The following TMEM117 variants were observed in gnomAD, a reference collection of about 807,000 sequenced individuals.
TMEM117 encodes transmembrane protein 117.
A neutral mutation model predicts 52.4 loss-of-function variants in TMEM117; 27 were observed. The observed-to-expected ratio is 0.51, with a 90% CI of 0.38 to 0.71. The LOEUF (loss-of-function observed/expected upper bound fraction) is 0.71, where lower values mean the gene tolerates loss of function less well. TMEM117 is among the 30% of genes least tolerant of loss of function. The pLI, the probability that TMEM117 is intolerant of heterozygous loss-of-function variation, is 0.00. For synonymous variants in TMEM117, 215 were observed against 206.3 expected (o/e 1.04, Z -0.36); for missense variants, 556 against 630.5 (o/e 0.88, Z 1.26).
At chr12:44,231,150 A>T (rs961053438) in intron 5 of TMEM117, among the ~76,000 whole-genome samples, 11 of 151,792 alleles carry the variant, frequency 7.2e-5, no homozygotes, top group Admixed American at 2.6e-4. Context: ...CTTTGTGGTG[A>T]TCATTTCCTT....
intron 4 of TMEM117, among the ~76,000 whole-genome samples, chr12:44,178,860 G>T (rs1361340408): frequency 6.6e-6 from 1 of 152,040 alleles, no homozygotes; most frequent in Non-Finnish European, 1.5e-5. Flanking sequence ...TATTAGTCAG[G>T]GTTCTCCAGA....
chr12:44,032,052 TC>T (rs1946641200), intron 3 of TMEM117, among the ~76,000 whole-genome samples: 1 of 152,190 alleles, frequency 6.6e-6, no homozygotes, highest in African/African-American at 2.4e-5. Flanking sequence ...TCCTGGGACC[TC>T]ATAAGGAGAG....
At chr12:44,360,803 T>C (rs1951711293) in intron 6 of TMEM117, among the ~76,000 whole-genome samples, 1 of 152,166 alleles carries the variant, frequency 6.6e-6, no homozygotes, top group South Asian at 2.1e-4. Context: ...ATCACTGTTC[T>C]CAATAATATT....
At chr12:44,073,832 T>C (rs574075191) in intron 3 of TMEM117, 1 of 152,184 alleles carries the variant, frequency 6.6e-6, no homozygotes, top group South Asian at 2.1e-4. Context: ...ATGTGAAAAA[T>C]GTAAGTGGCA....
intron 6 of TMEM117, among the ~76,000 whole-genome samples, chr12:44,333,806 T>C (rs1027374581): frequency 6.6e-6 from 1 of 151,862 alleles, no homozygotes; most frequent in African/African-American, 2.4e-5. Flanking sequence ...TAAAGAGAGA[T>C]AGGAAAACAC....
intron 6 of TMEM117, among the ~76,000 whole-genome samples, chr12:44,335,131 T>C (rs997624981): frequency 6.6e-6 from 1 of 151,998 alleles, no homozygotes; most frequent in Non-Finnish European, 1.5e-5. Context: ...GTGATAGGCT[T>C]GAGAAGAGCA....
intron 3 of TMEM117, among the ~76,000 whole-genome samples, chr12:43,966,401 A>T (rs1356838837): frequency 6.6e-6 from 1 of 152,234 alleles, no homozygotes; most frequent in Non-Finnish European, 1.5e-5. Context: ...TCAAATGAGG[A>T]CACCTTTGAA....
the TMEM117 span, among the ~76,000 whole-genome samples, chr12:43,802,884 A>G: frequency 6.6e-6 from 1 of 152,208 alleles, no homozygotes; most frequent in African/African-American, 2.4e-5. Flanking sequence ...GAAATATTAA[A>G]TAAAACCATG....
intron 5 of TMEM117, among the ~76,000 whole-genome samples, chr12:44,221,573 C>T (rs1029445379): frequency 1.1e-4 from 16 of 152,156 alleles, no homozygotes; most frequent in African/African-American, 3.4e-4. Flanking sequence ...TATAGGGGTT[C>T]ATCACAAAAT....
chr12:44,368,666 G>A (rs1315626291), intron 6 of TMEM117, among the ~76,000 whole-genome samples: 23 of 152,136 alleles, frequency 1.5e-4, no homozygotes, highest in Admixed American at 1.5e-3. Context: ...ATTCCTGGCA[G>A]CATGTGCGGA....
At chr12:44,313,473 G>A (rs975283322) in intron 6 of TMEM117, among the ~76,000 whole-genome samples, 5 of 152,108 alleles carry the variant, frequency 3.3e-5, no homozygotes, top group Admixed American at 2.6e-4. Context: ...CTGTCTGTCT[G>A]TTTTTGTACC....
Position 44,388,146 on chromosome 12 carries a change from T to C in TMEM117, c.1019T>C (p.Ile340Thr). ...CAATATATCGGCCCGGGGCAGAAGA[T>C]ATATACAGTGAAAGACTCAGAAAGT... ...YGQYIGPGQK[I>T]YTVKDSESLK... is the part of the protein sequence containing the mutation. The change falls in exon 8 of 8, where the codon ATA (isoleucine) becomes ACA (threonine). Residue 340 changes from isoleucine to threonine, a missense_variant. Physicochemically the swap from Ile to Thr is moderately conservative, Grantham distance 89. Transcript: ENST00000266534. 6.2e-7 allele frequency: 1 copy of C among 1,613,188 alleles called. No individual in the cohort carries two copies. The highest frequency in any genetic ancestry group is 2.2e-5 in the East Asian group (1 of 44,774).
intron 6 of TMEM117, among the ~76,000 whole-genome samples, chr12:44,332,713 A>G: frequency 2.8e-5 from 1 of 36,128 alleles, no homozygotes; most frequent in South Asian, 6.3e-4. Context: ...TACTGTTACT[A>G]CACACACACA....
At chr12:44,295,159 A>G (rs911816010) in intron 5 of TMEM117, among the ~76,000 whole-genome samples, 102 of 151,932 alleles carry the variant, frequency 6.7e-4, no homozygotes, top group African/African-American at 2.2e-3. Flanking sequence ...TATTATCTTG[A>G]TGGTACCCAT....
chr12:43,928,399 T>A (rs1353166077), intron 2 of TMEM117, among the ~76,000 whole-genome samples: 1 of 152,062 alleles, frequency 6.6e-6, no homozygotes, highest in African/African-American at 2.4e-5. Context: ...GGAATTAGGT[T>A]CATTCTCCTT....
chr12:44,245,606 T>C (rs1950119330), intron 5 of TMEM117, among the ~76,000 whole-genome samples: 1 of 151,992 alleles, frequency 6.6e-6, no homozygotes, highest in Non-Finnish European at 1.5e-5. Flanking sequence ...TTGGAGTCTT[T>C]AGTATTTTCT....
intron 6 of TMEM117, among the ~76,000 whole-genome samples, chr12:44,345,602 A>G (rs940688583): frequency 2.0e-5 from 3 of 152,156 alleles, no homozygotes; most frequent in Non-Finnish European, 4.4e-5. Flanking sequence ...TATAATCAGC[A>G]TTATAGGTGT....
the TMEM117 span, among the ~76,000 whole-genome samples, chr12:43,823,406 G>T: frequency 2.6e-5 from 4 of 152,166 alleles, no homozygotes; most frequent in African/African-American, 9.7e-5. Flanking sequence ...GAGGCTAAAC[G>T]ATGAGATGAT....
intron 3 of TMEM117, among the ~76,000 whole-genome samples, chr12:44,052,076 A>C (rs752859150): frequency 3.3e-5 from 5 of 152,164 alleles, no homozygotes; most frequent in Non-Finnish European, 7.3e-5. Context: ...CCTATAGTTG[A>C]TAGGGTTATC....
Sources: allele counts gnomAD v4.1 joint callset (sites outside exome capture counted in the v4.1 genomes callset), GRCh38; gene constraint gnomAD v4.1.1; transcripts MANE v1.5; gene names NCBI Gene and HGNC (gene_info 2026-07-23, HGNC 2026-07-21).